Variants in HS3ST5 observed in about 807,000 individuals in gnomAD.
The protein encoded by HS3ST5 is heparan sulfate glucosamine 3-O-sulfotransferase 5.
A neutral mutation model predicts 25.4 loss-of-function variants in HS3ST5; 10 were observed. The observed-to-expected ratio is 0.39, with a 90% confidence interval of 0.24 to 0.67. The LOEUF is 0.67. HS3ST5 is among the 30% of genes least tolerant of loss of function. HS3ST5 has a pLI of 0.44. For synonymous variants in HS3ST5, 170 were observed against 162.4 expected, an observed-to-expected ratio of 1.05 and a Z score of -0.36; for missense variants, 324 against 420.7, an observed-to-expected ratio of 0.77 and a Z score of 2.01.
chr6:114,292,280 T>A (rs994039593), intron 1 of HS3ST5, among the ~76,000 whole-genome samples: 1 of 152,158 alleles, frequency 6.6e-6, no homozygotes, highest in African/African-American at 2.4e-5. Context: ...AATTTTAGGA[T>A]CAAGACTGTG....
intron 1 of HS3ST5, among the ~76,000 whole-genome samples, chr6:114,268,362 G>A (rs1017405377): frequency 1.3e-5 from 2 of 152,142 alleles, no homozygotes; most frequent in Non-Finnish European, 2.9e-5. Context: ...TGCCATTGTT[G>A]CTCTTCCTCC....
intron 3 of HS3ST5, among the ~76,000 whole-genome samples, chr6:114,074,673 C>G (rs1257766822): frequency 2.0e-5 from 3 of 151,934 alleles, no homozygotes; most frequent in Non-Finnish European, 2.9e-5. Flanking sequence ...CTCCCTATAC[C>G]CTGCCACTGA....
intron 3 of HS3ST5, among the ~76,000 whole-genome samples, chr6:114,079,284 A>G (rs1423236643): frequency 6.6e-6 from 1 of 152,250 alleles, no homozygotes; most frequent in Non-Finnish European, 1.5e-5. Context: ...ATTTATTTCA[A>G]AATTGGAGTG....
intron 1 of HS3ST5, among the ~76,000 whole-genome samples, chr6:114,284,330 G>A (rs1774247279): frequency 6.6e-6 from 1 of 151,960 alleles, no homozygotes; most frequent in African/African-American, 2.4e-5. Flanking sequence ...ATGTATTTTT[G>A]TGCTAGTTGG....
At chr6:114,060,377 T>A (rs921772254) in intron 4 of HS3ST5, among the ~76,000 whole-genome samples, 1 of 152,214 alleles carries the variant, frequency 6.6e-6, no homozygotes, top group Admixed American at 6.5e-5. Context: ...ATTTTGTTTT[T>A]ATAAATTTGT....
At chr6:114,090,184 A>G (rs915943649) in intron 3 of HS3ST5, among the ~76,000 whole-genome samples, 11 of 152,358 alleles carry the variant, frequency 7.2e-5, no homozygotes, top group Admixed American at 4.6e-4. Flanking sequence ...ACATTAATCA[A>G]TAAGTCTTAG....
intron 3 of HS3ST5, among the ~76,000 whole-genome samples, chr6:114,092,492 A>T (rs1775170860): frequency 6.6e-6 from 1 of 152,142 alleles, no homozygotes; most frequent in Non-Finnish European, 1.5e-5. Flanking sequence ...TGTATGAGGC[A>T]GGTTTTATGG....
chr6:114,128,635 A>C (rs753282535), intron 3 of HS3ST5, among the ~76,000 whole-genome samples: 29 of 152,240 alleles, frequency 1.9e-4, no homozygotes, highest in Non-Finnish European at 3.1e-4. Flanking sequence ...AAGTAAAACA[A>C]ATCAAAACAA....
intron 1 of HS3ST5, among the ~76,000 whole-genome samples, chr6:114,232,616 C>G (rs969170867): frequency 5.3e-5 from 8 of 152,306 alleles, no homozygotes; most frequent in African/African-American, 1.9e-4. Context: ...ATCCAGTGTT[C>G]TCTTTTTGTA....
chr6:114,238,880 C>T (rs1771977258), intron 1 of HS3ST5: 1 of 152,184 alleles, frequency 6.6e-6, no homozygotes, highest in Admixed American at 6.5e-5. Context: ...CTCTGTACCA[C>T]TGTTTGGCTG....
chr6:114,238,687 A>G (rs1771968937), intron 1 of HS3ST5, among the ~76,000 whole-genome samples: 1 of 152,116 alleles, frequency 6.6e-6, no homozygotes, highest in Non-Finnish European at 1.5e-5. Context: ...TTTCTGACTA[A>G]ATATCCTGAG....
At chr6:114,313,154 A>G (rs962827797) in intron 1 of HS3ST5, among the ~76,000 whole-genome samples, 2 of 151,526 alleles carry the variant, frequency 1.3e-5, no homozygotes, top group Non-Finnish European at 2.9e-5. Flanking sequence ...AGATCAGTTT[A>G]CACTCATTAG....
At chr6:114,255,451 T>C (rs1361055733) in intron 1 of HS3ST5, among the ~76,000 whole-genome samples, 2 of 152,162 alleles carry the variant, frequency 1.3e-5, no homozygotes, top group Non-Finnish European at 2.9e-5. Flanking sequence ...TCTACCATGC[T>C]GGGGTCTGGA....
At chr6:114,118,492 C>T (rs1347823545) in intron 3 of HS3ST5, among the ~76,000 whole-genome samples, 1 of 152,070 alleles carries the variant, frequency 6.6e-6, no homozygotes, top group African/African-American at 2.4e-5. Context: ...TATAAGAAAG[C>T]AATTATATGG....
At chr6:114,327,746 CT>C (rs1776230348) in intron 1 of HS3ST5, among the ~76,000 whole-genome samples, 1 of 151,924 alleles carries the variant, frequency 6.6e-6, no homozygotes, top group South Asian at 2.1e-4. Flanking sequence ...AGTTATAGGA[CT>C]GGTTCTACTG....
intron 1 of HS3ST5, among the ~76,000 whole-genome samples, chr6:114,237,443 G>T (rs1771910589): frequency 6.6e-6 from 1 of 150,456 alleles, no homozygotes; most frequent in African/African-American, 2.5e-5. Context: ...TTTTTATTTT[G>T]TCTATTCATA....
chr6:114,179,892 A>G (rs1779891129), intron 2 of HS3ST5, among the ~76,000 whole-genome samples: 1 of 152,162 alleles, frequency 6.6e-6, no homozygotes, highest in African/African-American at 2.4e-5. Context: ...CCACTGGTGT[A>G]AGTCCAAGAG....
intron 1 of HS3ST5, among the ~76,000 whole-genome samples, chr6:114,272,699 C>G (rs1773686753): frequency 6.6e-6 from 1 of 152,088 alleles, no homozygotes; most frequent in Non-Finnish European, 1.5e-5. Context: ...CCTGGGATTC[C>G]TCTACAAATT....
rs572811160 is a variant in HS3ST5, at chr6:114,293,796, T to A, written c.-339+48399A>T. On this transcript the variant is annotated intron_variant, in intron 1 of 4. Coordinates refer to ENST00000312719, the MANE Select transcript of HS3ST5 (RefSeq NM_153612.4). ...GAGCCTGAGAAGAAGCAGAAAGAGG[T>A]TTCAGGACCCCAAAAGAAGAAAGAG... Among the ~76,000 whole-genome samples the A allele has an allele frequency of 1.7e-4, 26 of 151,616 alleles. No individual in the cohort carries two copies. The Middle Eastern group carries it at 0.01, about 60-fold the overall frequency.
Sources: gnomAD v4.1 joint callset for allele counts (sites outside exome capture counted in the v4.1 genomes callset) on GRCh38, gnomAD v4.1.1 for gene constraint, MANE v1.5 for transcripts, NCBI Gene and HGNC (gene_info 2026-07-23, HGNC 2026-07-21) for gene names.